GPR55: variants seen among roughly 807,000 people sequenced by gnomAD.
GPR55 encodes the protein G protein-coupled receptor 55.
In GPR55, 6 loss-of-function variants were observed where a neutral mutation model predicts 7.9. The ratio of observed to expected loss-of-function variants is 0.76; its 90% confidence interval spans 0.41 to 1.49. The LOEUF (loss-of-function observed/expected upper bound fraction) is 1.49. Among genes scored for constraint, GPR55 ranks in the 40% most tolerant of loss-of-function variants. The pLI, the probability that GPR55 is intolerant of heterozygous loss-of-function variation, is 0.01. For missense variants in GPR55, 376 were observed against 406.0 expected (o/e 0.93, Z 0.63); for synonymous variants, 183 against 166.8 (o/e 1.10, Z -0.75).
At chr2:230,933,695 C>A (rs542015568) in intron 1 of GPR55, among the ~76,000 whole-genome samples, 10 of 152,330 alleles carry the variant, frequency 6.6e-5, no homozygotes, top group African/African-American at 2.2e-4. Context: ...TGCCTCTTAT[C>A]CAGGAGCAGC....
chr2:230,943,106 AAG>A (rs1213037596), intron 1 of GPR55, among the ~76,000 whole-genome samples: 1 of 142,852 alleles, frequency 7.0e-6, no homozygotes, highest in Non-Finnish European at 1.6e-5. Context: ...AGAGGAGAGA[AAG>A]AGAGAGAGAG....
chr2:230,946,211 G>T (rs1401471022), intron 1 of GPR55, among the ~76,000 whole-genome samples: 1 of 152,222 alleles, frequency 6.6e-6, no homozygotes, highest in African/African-American at 2.4e-5. Flanking sequence ...GGGCTGGAGG[G>T]CTAGGGAGGG....
intron 1 of GPR55, among the ~76,000 whole-genome samples, chr2:230,953,783 T>C (rs1232371505): frequency 1.3e-5 from 2 of 152,160 alleles, no homozygotes; most frequent in Non-Finnish European, 1.5e-5. Flanking sequence ...CCTAGGAAAC[T>C]GGAGAGGCTG....
intron 1 of GPR55, among the ~76,000 whole-genome samples, chr2:230,936,762 G>A (rs1246818554): frequency 6.6e-6 from 1 of 152,030 alleles, no homozygotes; most frequent in African/African-American, 2.4e-5. Flanking sequence ...ATTATCCCCA[G>A]AGATAAGTCT....
chr2:230,925,073 C>A (rs1690919886), intron 1 of GPR55, 95 bp downstream of exon 1: 1 of 152,760 alleles, frequency 6.5e-6, no homozygotes, highest in Admixed American at 6.5e-5. Flanking sequence ...ACACAAGCCC[C>A]ACTGATCTTA....
At chr2:230,939,739 C>A (rs1318084069) in intron 1 of GPR55, among the ~76,000 whole-genome samples, 1 of 152,112 alleles carries the variant, frequency 6.6e-6, no homozygotes, top group Admixed American at 6.5e-5. Context: ...AACAAGGAGC[C>A]CGGGTAGAAC....
At chr2:230,937,413 A>G (rs927077443) in intron 1 of GPR55, among the ~76,000 whole-genome samples, 4 of 151,618 alleles carry the variant, frequency 2.6e-5, no homozygotes, top group African/African-American at 9.7e-5. Context: ...ACTCTCAGAG[A>G]TAAATTCTTT....
At chr2:230,957,423 C>A (rs113621367) in intron 1 of GPR55, among the ~76,000 whole-genome samples, 1 of 152,346 alleles carries the variant, frequency 6.6e-6, no homozygotes, top group Non-Finnish European at 1.5e-5. Flanking sequence ...GATGATTCAC[C>A]TCCTGAGCAG....
intron 1 of GPR55, among the ~76,000 whole-genome samples, chr2:230,946,028 GC>G (rs1017674725): frequency 2.6e-5 from 4 of 152,118 alleles, no homozygotes; most frequent in African/African-American, 9.7e-5. Context: ...ATATTATTTA[GC>G]CATTAAAAAA....
At chr2:230,931,271 G>A (rs1283566206) in intron 1 of GPR55, among the ~76,000 whole-genome samples, 2 of 152,214 alleles carry the variant, frequency 1.3e-5, no homozygotes, top group Non-Finnish European at 2.9e-5. Context: ...GACCCTGCCT[G>A]TCCTGAGGAC....
chr2:230,942,707 C>T (rs1307490108), intron 1 of GPR55, among the ~76,000 whole-genome samples: 1 of 152,018 alleles, frequency 6.6e-6, no homozygotes, highest in Non-Finnish European at 1.5e-5. Flanking sequence ...AGGCCAGGGG[C>T]AGCCAGTGGG....
intron 1 of GPR55, among the ~76,000 whole-genome samples, chr2:230,933,975 C>T (rs1264303660): frequency 6.6e-6 from 1 of 152,190 alleles, no homozygotes; most frequent in Admixed American, 6.5e-5. Context: ...TTCCGGTGAC[C>T]ACCCCAGAGG....
upstream of GPR55, among the ~76,000 whole-genome samples, chr2:230,930,190 T>A (rs1691012391): frequency 2.0e-5 from 3 of 152,252 alleles, no homozygotes; most frequent in South Asian, 6.2e-4. Context: ...TACACTTGTT[T>A]ATTTCTCAGG....
In GPR55 at chr2:230,910,767, G is replaced by A; in HGVS notation, c.196C>T (p.Leu66=). ...ACCAGCAGCAGGTCAAAGACTGCCA[G>A]GTTGATCATGTAGATGGAGGTGGCA... ...YAATSIYMIN[L]AVFDLLLVLS... is the part of the protein sequence containing the mutation. The change falls in exon 2 of 2, where the codon CTG becomes TTG. Residue 66 remains leucine (L), a synonymous_variant. Coordinates refer to ENST00000650999, the MANE Select transcript of GPR55 (RefSeq NM_005683.4). This position sits in a 1 kb window ranked among gnomAD's most constrained non-coding sequence, Gnocchi z 5.4. 6.2e-7 allele frequency: 1 copy of A among 1,613,994 alleles called. No individual in the cohort carries two copies. The highest frequency in any genetic ancestry group is 8.5e-7 in the Non-Finnish European group (1 of 1,179,850).
At chr2:230,931,251 C>A (rs1418679588) in intron 1 of GPR55, among the ~76,000 whole-genome samples, 1 of 152,244 alleles carries the variant, frequency 6.6e-6, no homozygotes, top group Non-Finnish European at 1.5e-5. Context: ...TGACAGCTCC[C>A]TCCAACACTG....
intron 1 of GPR55, among the ~76,000 whole-genome samples, chr2:230,945,424 A>G (rs1006152838): frequency 2.0e-4 from 30 of 151,332 alleles, no homozygotes; most frequent in African/African-American, 2.9e-4. Flanking sequence ...AGGAAAGGGG[A>G]AAAAAAAAGG....
upstream of GPR55, among the ~76,000 whole-genome samples, chr2:230,930,079 G>A (rs555292650): frequency 4.6e-5 from 7 of 152,270 alleles, no homozygotes; most frequent in Non-Finnish European, 1.5e-5. Flanking sequence ...TGGGCCTTGG[G>A]GCCAGGAGTC....
At chr2:230,950,746 G>A (rs991554456) in intron 1 of GPR55, among the ~76,000 whole-genome samples, 10 of 152,090 alleles carry the variant, frequency 6.6e-5, no homozygotes, top group Admixed American at 5.9e-4. Flanking sequence ...TAGGCCTCAG[G>A]AAACAGAATC....
At chr2:230,911,166 A>G (rs999622584) in intron 1 of GPR55, 70 bp from the exon 2 acceptor site, 60 of 583,146 alleles carry the variant, frequency 1.0e-4, no homozygotes, top group African/African-American at 9.7e-4. Context: ...CTTTTTGTGT[A>G]TATCATTCCA....
Sources: gnomAD v4.1 joint callset for allele counts (sites outside exome capture counted in the v4.1 genomes callset) on GRCh38, gnomAD v4.1.1 for gene constraint, Gnocchi (gnomAD v3.1) non-coding constraint, MANE v1.5 for transcripts, NCBI Gene and HGNC (gene_info 2026-07-23, HGNC 2026-07-21) for gene names.